The following AHCYL2 variants were observed in gnomAD, a reference collection of about 807,000 sequenced individuals.
AHCYL2 encodes the protein adenosylhomocysteinase like 2.
A neutral mutation model predicts 81.4 loss-of-function variants in AHCYL2; 28 were observed. That is an observed-to-expected ratio of 0.34 (90% CI 0.25 to 0.47). The LOEUF (loss-of-function observed/expected upper bound fraction) is 0.47. AHCYL2 is among the 20% of genes least tolerant of loss of function. AHCYL2 has a pLI of 1.00. For missense variants in AHCYL2, 551 were observed against 785.1 expected (o/e 0.70, Z 3.56); for synonymous variants, 272 against 290.2 (o/e 0.94, Z 0.64).
intron 1 of AHCYL2, among the ~76,000 whole-genome samples, chr7:129,299,959 T>G (rs895746902): frequency 1.3e-5 from 2 of 152,184 alleles, no homozygotes; most frequent in Non-Finnish European, 2.9e-5. Context: ...CCTGGAAATT[T>G]TATACATACA....
intron 12 of AHCYL2, among the ~76,000 whole-genome samples, chr7:129,420,624 C>T (rs1253541576): frequency 2.0e-5 from 3 of 151,640 alleles, no homozygotes; most frequent in African/African-American, 4.8e-5. Flanking sequence ...AAACTACAGG[C>T]GCACGCCAAC....
In AHCYL2 at chr7:129,267,312, A is replaced by AT. The variant is rs944263362; in HGVS notation, c.363+41882dup. Among the ~76,000 whole-genome samples, 45 of 146,588 alleles carry AT rather than the reference A, an allele frequency of 3.1e-4. No individual in the cohort carries two copies. The East Asian group carries it at 3.4e-3, about 11-fold the overall frequency. On this transcript the variant is annotated intron_variant, in intron 1 of 16. Coordinates refer to ENST00000325006, the MANE Select transcript of AHCYL2 (RefSeq NM_015328.4). ...TGAGTTCAATCAAGCCTTATTAGGTATTTTTTTTTGAGACAGAGTTTCACT... is the reference window on the plus strand; with the variant it reads ...TGAGTTCAATCAAGCCTTATTAGGTATTTTTTTTTTGAGACAGAGTTTCACT...
chr7:129,386,503 G>A (rs1298954658), intron 2 of AHCYL2, among the ~76,000 whole-genome samples: 1 of 151,946 alleles, frequency 6.6e-6, no homozygotes, highest in East Asian at 1.9e-4. Context: ...ATACATTTTG[G>A]CTCAAAGAAA....
chr7:129,247,671 GCTTACTGCAGCCTTGACTTCC>G (rs1198172046), intron 1 of AHCYL2, among the ~76,000 whole-genome samples: 1 of 151,940 alleles, frequency 6.6e-6, no homozygotes, highest in African/African-American at 2.4e-5. Flanking sequence ...CATGATCATG[GCTTACTGCAGCCTTGACTTCC>G]CTGGGCTCAG....
chr7:129,388,771 T>C (rs1428593200), intron 2 of AHCYL2: 3 of 295,374 alleles, frequency 1.0e-5, no homozygotes, highest in Non-Finnish European at 1.9e-5. Flanking sequence ...TTTAACCTAA[T>C]GCTACCATGG....
intron 1 of AHCYL2, among the ~76,000 whole-genome samples, chr7:129,230,377 C>T (rs1042662460): frequency 6.6e-5 from 10 of 150,656 alleles, no homozygotes; most frequent in Non-Finnish European, 1.5e-4. Flanking sequence ...CCACCGCGCC[C>T]GGCTATTTAA....
intron 1 of AHCYL2, among the ~76,000 whole-genome samples, chr7:129,311,561 G>T (rs2402944): frequency 0.35 from 52,742 of 151,510 alleles, 9,864 homozygotes; most frequent in African/African-American, 0.5. Flanking sequence ...TCTACACTCT[G>T]GTCTTAACCC....
chr7:129,280,178 C>CT (rs59849233), intron 1 of AHCYL2, among the ~76,000 whole-genome samples: 2,029 of 112,558 alleles, frequency 0.018, 156 homozygotes, highest in African/African-American at 0.059. Context: ...TTGCTAAATA[C>CT]TTTTTTTTTT....
At chr7:129,249,518 C>T (rs1442127082) in intron 1 of AHCYL2, among the ~76,000 whole-genome samples, 2 of 151,966 alleles carry the variant, frequency 1.3e-5, no homozygotes, top group Non-Finnish European at 2.9e-5. Context: ...CTCCGCTTCC[C>T]GGGTTCACGC....
chr7:129,414,495 AC>A (rs1796751540), intron 12 of AHCYL2, among the ~76,000 whole-genome samples: 1 of 134,476 alleles, frequency 7.4e-6, no homozygotes. Flanking sequence ...GTCTCGGCTT[AC>A]TGCAACCTCT....
intron 1 of AHCYL2, among the ~76,000 whole-genome samples, chr7:129,309,623 C>G (rs1797576534): frequency 6.6e-6 from 1 of 152,154 alleles, no homozygotes; most frequent in Non-Finnish European, 1.5e-5. Context: ...ATCTTCTATT[C>G]TTTTGGTTCT....
intron 1 of AHCYL2, among the ~76,000 whole-genome samples, chr7:129,276,336 A>G (rs2150734148): frequency 6.6e-6 from 1 of 152,236 alleles, no homozygotes; most frequent in South Asian, 2.1e-4. Flanking sequence ...ATATTAGAAA[A>G]AAAACAGAGT....
chr7:129,376,368 G>C (rs1794689931), intron 1 of AHCYL2, among the ~76,000 whole-genome samples: 1 of 152,150 alleles, frequency 6.6e-6, no homozygotes, highest in Non-Finnish European at 1.5e-5. Flanking sequence ...ATATTTAAGT[G>C]GTTAATCTCA....
intron 1 of AHCYL2, among the ~76,000 whole-genome samples, chr7:129,236,222 A>T (rs1469326556): frequency 1.3e-5 from 2 of 148,740 alleles, no homozygotes; most frequent in East Asian, 3.9e-4. Flanking sequence ...TTTTTTTTTG[A>T]GACAGTCTTG....
rs1415952983 is a variant in AHCYL2 at position 129,225,266 on chromosome 7, G to C, written c.190G>C (p.Gly64Arg). ...APAAERPPVP[G>R]PGSGPAAALS... ...CGCCGCGGAGCGGCCCCCGGTCCCC[G>C]GCCCGGGCTCGGGGCCCGCCGCCGC... The change falls in exon 1 of 17, where the codon GGC becomes CGC. Residue 64 changes from glycine to arginine, a missense_variant. Physicochemically the swap from Gly to Arg is moderately radical, Grantham distance 125 (BLOSUM62 -2). Transcript: ENST00000325006. 1.4e-6 allele frequency: 2 copies of C among 1,451,558 alleles called. No homozygotes were observed. Among genetic ancestry groups the C allele is most frequent in the East Asian group, 5.9e-5 (2 of 33,790 alleles). 89.9% of individuals were successfully genotyped at this position (1,451,558 alleles called of 1,614,324 possible).
intron 1 of AHCYL2, among the ~76,000 whole-genome samples, chr7:129,348,316 GA>G (rs1192262290): frequency 6.6e-6 from 1 of 152,016 alleles, no homozygotes; most frequent in Non-Finnish European, 1.5e-5. Flanking sequence ...AAGTCTTCAA[GA>G]TAATGTTGAG....
chr7:129,291,882 G>T lies in AHCYL2; in HGVS notation c.363+66443G>T, dbSNP rs1796880803. 4.6e-5 allele frequency among the ~76,000 whole-genome samples: 7 copies of T among 152,204 alleles called. No individual in the cohort carries two copies. In the South Asian group the frequency reaches 1.5e-3, roughly 32 times the overall value. Reference sequence around the variant, plus strand: ...AGCCTCCCAAAGTGCTAGGATTACAGGTGTGAGCCACTGCGCCCGGCCCAA... The same window carrying T: ...AGCCTCCCAAAGTGCTAGGATTACATGTGTGAGCCACTGCGCCCGGCCCAA... On this transcript the variant is annotated intron_variant, in intron 1 of 16. Coordinates refer to ENST00000325006, the MANE Select transcript of AHCYL2 (RefSeq NM_015328.4).
At position 129,225,056 on chromosome 7, in the gene AHCYL2, G is replaced by C; in HGVS notation, c.-21G>C. On this transcript the variant is annotated 5_prime_UTR_variant, in exon 1 of 17. Coordinates refer to ENST00000325006, the MANE Select transcript of AHCYL2 (RefSeq NM_015328.4). ...AGAGCAGGAGCTGGAGTCTGAGCCG[G>C]TGGTTGCAGCGGAGGCGGTGATGTC... 6.3e-7 allele frequency: 1 copy of C among 1,576,396 alleles called. No individual in the cohort carries two copies.
intron 8 of AHCYL2, 100 bp downstream of exon 8, chr7:129,405,313 G>A: frequency 4.5e-6 from 3 of 661,048 alleles, no homozygotes; most frequent in South Asian, 3.0e-5. Flanking sequence ...TAGCACCTCT[G>A]GATAATGTCT....
Sources: allele counts gnomAD v4.1 joint callset (sites outside exome capture counted in the v4.1 genomes callset), GRCh38; gene constraint gnomAD v4.1.1; transcripts MANE v1.5; gene names NCBI Gene and HGNC (gene_info 2026-07-23, HGNC 2026-07-21).